The following ZNF250 variants were observed in gnomAD, a reference collection of about 807,000 sequenced individuals.
ZNF250 encodes the protein zinc finger protein 250, also known as zinc finger protein (clone 647).
A neutral mutation model predicts 37.1 loss-of-function variants in ZNF250; 13 were observed. The observed-to-expected ratio is 0.35, with a 90% CI of 0.23 to 0.56. ZNF250 has a LOEUF of 0.56. Ranked by LOEUF, ZNF250 falls within the 20% of genes least tolerant of loss-of-function variation. ZNF250 has a pLI of 0.87. For synonymous variants in ZNF250, 251 were observed against 265.6 expected (o/e 0.94, Z 0.54); for missense variants, 474 against 697.9 (o/e 0.68, Z 3.61).
chr8:144,895,059 T>A (rs765522529), intron 1 of ZNF250: 1 of 152,186 alleles, frequency 6.6e-6, no homozygotes, highest in Non-Finnish European at 1.5e-5. Flanking sequence ...CTGGCAGGCA[T>A]GGGAAAGTGG....
Position 144,890,254 on chromosome 8 carries a change from A to T in ZNF250, c.42+54T>A. 1 of 1,541,534 alleles carries T rather than the reference A, an allele frequency of 6.5e-7. No individual in the cohort carries two copies. The highest frequency in any genetic ancestry group is 8.8e-7 in the Non-Finnish European group (1 of 1,131,922). The stretch of plus-strand genomic sequence containing the variant: ...TCTTAGGAGCTCTACGGGGCACGGA[A>T]GGAACCACAGGGCTCGGGCTGGGGG... On this transcript the variant is annotated intron_variant, in intron 2 of 5. Transcript: ENST00000417550. The surrounding 1 kb of genome is among the most constrained non-coding windows in gnomAD (Gnocchi z 5.1).
In ZNF250 at chr8:144,891,413, T is replaced by C. The variant is rs1261483471; in HGVS notation, c.-54-1010A>G. Among the ~76,000 whole-genome samples the C allele has an allele frequency of 1.3e-5, 2 of 152,096 alleles. No homozygotes were observed. The highest frequency in any genetic ancestry group is 2.9e-5 in the Non-Finnish European group (2 of 68,016). On this transcript the variant is annotated intron_variant, in intron 1 of 5. Transcript: ENST00000417550. This position sits in a 1 kb window ranked among gnomAD's most constrained non-coding sequence, Gnocchi z 4.0. ...AAGTCAAGGGACATCATAATCTCAGTGTCTATAAAACATCAGATATAGGTG... is the reference window on the plus strand; with the variant it reads ...AAGTCAAGGGACATCATAATCTCAGCGTCTATAAAACATCAGATATAGGTG...
chr8:144,887,106 T>C (rs565512840), intron 4 of ZNF250, among the ~76,000 whole-genome samples: 2 of 151,748 alleles, frequency 1.3e-5, no homozygotes, highest in African/African-American at 4.8e-5. Context: ...AAAAATTAGC[T>C]GGACATGGTG....
rs1411000158 is a variant in ZNF250, at chr8:144,882,627, C to T, written c.556G>A (p.Ala186Thr). 28 of 1,613,836 alleles carry T rather than the reference C, an allele frequency of 1.7e-5. No individual in the cohort carries two copies. The highest frequency in any genetic ancestry group is 2.2e-5 in the Non-Finnish European group (26 of 1,179,900). The change falls in exon 6 of 6, where the codon GCA becomes ACA. Residue 186 changes from alanine to threonine, a missense_variant. Ala to Thr is a moderately conservative substitution (Grantham distance 58). Transcript: ENST00000417550. This position sits in a 1 kb window ranked among gnomAD's most constrained non-coding sequence, Gnocchi z 5.5. ...SQSMPLTPHQ[A>T]VPSGERPYMC... ...TAGGGCCTCTCTCCACTAGGCACTGCCTGGTGCGGAGTGAGTGGCATGCTT... is the reference window on the plus strand; with the variant it reads ...TAGGGCCTCTCTCCACTAGGCACTGTCTGGTGCGGAGTGAGTGGCATGCTT...
At chr8:144,885,812 T>G (rs1831833645) in intron 5 of ZNF250, among the ~76,000 whole-genome samples, 1 of 152,160 alleles carries the variant, frequency 6.6e-6, no homozygotes, top group Admixed American at 6.5e-5. Flanking sequence ...TTACTTCTAT[T>G]GTCTGAAGTT....
intron 4 of ZNF250, among the ~76,000 whole-genome samples, chr8:144,888,687 A>G (rs1563889758): frequency 6.6e-6 from 1 of 151,520 alleles, no homozygotes; most frequent in African/African-American, 2.4e-5. Context: ...GTTGACAATC[A>G]CATAAACTGC....
At chr8:144,892,434 AGACAGGTATGTGGGAAATTG>A (rs1832409903) in intron 1 of ZNF250, among the ~76,000 whole-genome samples, 1 of 152,268 alleles carries the variant, frequency 6.6e-6, no homozygotes, top group Non-Finnish European at 1.5e-5. Flanking sequence ...AGATGAAGCC[AGACAGGTATGTGGGAAATTG>A]GAAGATAACA....
At chr8:144,884,732 A>C (rs1268370220) in intron 5 of ZNF250, among the ~76,000 whole-genome samples, 1 of 151,988 alleles carries the variant, frequency 6.6e-6, no homozygotes, top group East Asian at 1.9e-4. Context: ...CCATTCTCTC[A>C]GAATGTGATC....
chr8:144,898,572 A>T (rs888818755), intron 1 of ZNF250, among the ~76,000 whole-genome samples: 2 of 152,224 alleles, frequency 1.3e-5, no homozygotes, highest in African/African-American at 4.8e-5. Context: ...ACAGGAACAA[A>T]AGCAAACTAG....
In ZNF250 at chr8:144,882,635, G is replaced by A. The variant is rs759673721; in HGVS notation, c.548C>T (p.Pro183Leu). ...CTCTCCACTAGGCACTGCCTGGTGCGGAGTGAGTGGCATGCTTTGGCTTAA... is the reference window on the plus strand; with the variant it reads ...CTCTCCACTAGGCACTGCCTGGTGCAGAGTGAGTGGCATGCTTTGGCTTAA... ...QVLSQSMPLT[P>L]HQAVPSGERP... is the part of the protein sequence containing the mutation. The change falls in exon 6 of 6, where the codon CCG becomes CTG. Residue 183 changes from proline (P) to leucine (L), a missense_variant. Pro to Leu is a moderately conservative substitution (Grantham distance 98). This residue lies in a region of ZNF250 where 192 missense variants were observed against 227.5 expected (regional missense o/e 0.84). Coordinates refer to ENST00000417550, the MANE Select transcript of ZNF250 (RefSeq NM_001109689.4). This position sits in a 1 kb window ranked among gnomAD's most constrained non-coding sequence, Gnocchi z 5.5. 1.6e-5 allele frequency: 26 copies of A among 1,613,816 alleles called. No homozygotes were observed. The highest frequency in any genetic ancestry group is 1.9e-5 in the Non-Finnish European group (22 of 1,179,886).
Position 144,890,091 on chromosome 8 carries a change from C to A in ZNF250, c.43-32G>T, listed in dbSNP as rs779481427. 8 of 1,604,602 alleles carry A rather than the reference C, an allele frequency of 5.0e-6. No homozygotes were observed. The African/African-American group carries it at 9.4e-5, about 19-fold the overall frequency. On this transcript the variant is annotated intron_variant, in intron 2 of 5. Coordinates refer to ENST00000417550, the MANE Select transcript of ZNF250 (RefSeq NM_001109689.4). The surrounding 1 kb of genome is among the most constrained non-coding windows in gnomAD (Gnocchi z 5.1). Reference sequence around the variant, plus strand: ...CGACAGGGGCTGCTGCAGGTAAAACCAAATCCTGATGTCTGTGATGGGGAG... The same window carrying A: ...CGACAGGGGCTGCTGCAGGTAAAACAAAATCCTGATGTCTGTGATGGGGAG...
chr8:144,888,250 T>C (rs1832036798), intron 4 of ZNF250, among the ~76,000 whole-genome samples: 1 of 152,232 alleles, frequency 6.6e-6, no homozygotes, highest in Non-Finnish European at 1.5e-5. Context: ...GATGCTATTA[T>C]AAATGTTATC....
intron 4 of ZNF250, 60 bp from the exon 5 acceptor site, chr8:144,886,962 C>A: frequency 6.6e-7 from 1 of 1,507,458 alleles, no homozygotes; most frequent in Non-Finnish European, 9.2e-7. Context: ...AGTGGAAAAT[C>A]CTGGCCGGGC....
Position 144,879,022 on chromosome 8 carries a change from C to G in ZNF250, c.*2493G>C, listed in dbSNP as rs1301402116. On this transcript the variant is annotated 3_prime_UTR_variant, in exon 6 of 6. Coordinates refer to ENST00000417550, the MANE Select transcript of ZNF250 (RefSeq NM_001109689.4). ...TCACTTTCTTTCTGAAGTGACGCCT[C>G]AGTGATCTCAGCTCTTCTCCAAAGA... The G allele has an allele frequency of 6.6e-6, 1 of 152,258 alleles. No individual in the cohort carries two copies. The highest frequency in any genetic ancestry group is 1.5e-5 in the Non-Finnish European group (1 of 68,044). 9.4% of individuals were successfully genotyped at this position (152,258 alleles called of 1,614,324 possible). A position where few individuals can be genotyped will look rare whatever the true frequency, so the allele number is the denominator to read the frequency against.
At chr8:144,883,273 C>G (rs1420402338) in intron 5 of ZNF250, among the ~76,000 whole-genome samples, 1 of 151,856 alleles carries the variant, frequency 6.6e-6, no homozygotes, top group Admixed American at 6.6e-5. Flanking sequence ...GGTGTGCCAT[C>G]TGGAGGCCAA....
rs1450931693 is a variant in ZNF250 at position 144,897,628 on chromosome 8, C to T, written c.-55+3771G>A. Among the ~76,000 whole-genome samples the T allele has an allele frequency of 1.3e-5, 2 of 152,170 alleles. No individual in the cohort carries two copies. The highest frequency in any genetic ancestry group is 4.8e-5 in the African/African-American group (2 of 41,432). On this transcript the variant is annotated intron_variant, in intron 1 of 5. Transcript: ENST00000417550. This position sits in a 1 kb window ranked among gnomAD's most constrained non-coding sequence, Gnocchi z 5.2. ...GCGCTAGAGGAATTAAAGACACACA[C>T]ACAGAAATATAGAGGTGTGAAGTGG...
In ZNF250 at chr8:144,882,196, A is replaced by G; in HGVS notation, c.987T>C (p.Thr329=). The G allele has an allele frequency of 6.2e-7, 1 of 1,613,966 alleles. No individual in the cohort carries two copies. Among genetic ancestry groups the G allele is most frequent in the Non-Finnish European group, 8.5e-7 (1 of 1,179,968 alleles). Reference sequence around the variant, plus strand: ...CATTGCACCTGTGAGGCTTCTCCCCAGTGTGTACCCTCTGGTGGCTCCGCA... The same window carrying G: ...CATTGCACCTGTGAGGCTTCTCCCCGGTGTGTACCCTCTGGTGGCTCCGCA... ...TVLRSHQRVH[T]GEKPHRCNEC... is the part of the protein sequence containing the mutation. The change falls in exon 6 of 6, where the codon ACT becomes ACC. Residue 329 remains threonine (T), a synonymous_variant. Coordinates refer to ENST00000417550, the MANE Select transcript of ZNF250 (RefSeq NM_001109689.4). The surrounding 1 kb of genome is among the most constrained non-coding windows in gnomAD (Gnocchi z 5.5).
chr8:144,882,701 C>G lies in ZNF250; in HGVS notation c.482G>C (p.Cys161Ser). Residue 161 changes from cysteine to serine, a missense_variant, in exon 6 of 6, where the codon TGT becomes TCT. Physicochemically the swap from Cys to Ser is moderately radical, Grantham distance 112. Coordinates refer to ENST00000417550, the MANE Select transcript of ZNF250 (RefSeq NM_001109689.4). This position sits in a 1 kb window ranked among gnomAD's most constrained non-coding sequence, Gnocchi z 5.5. ...QENNETKQSF[C>S]LSPNSVDHRE... is the part of the protein sequence containing the mutation. ...GTGGTCAACAGAGTTTGGACTCAGA[C>G]AGAAGCTTTGCTTTGTTTCATTATT... 2 of 1,614,050 alleles carry G rather than the reference C, an allele frequency of 1.2e-6. No individual in the cohort carries two copies. The highest frequency in any genetic ancestry group is 1.7e-6 in the Non-Finnish European group (2 of 1,179,906).
At position 144,890,850 on chromosome 8, in the gene ZNF250, C is replaced by T. The variant is rs1379816588; in HGVS notation, c.-54-447G>A. Reference sequence around the variant, plus strand: ...CCAAACACCCTCCCAATTAAGAAAGCCTTGGCCACCAGGGTGACAATAAGA... The same window carrying T: ...CCAAACACCCTCCCAATTAAGAAAGTCTTGGCCACCAGGGTGACAATAAGA... On this transcript the variant is annotated intron_variant, in intron 1 of 5. Transcript: ENST00000417550. The surrounding 1 kb of genome is among the most constrained non-coding windows in gnomAD (Gnocchi z 5.1). Among the ~76,000 whole-genome samples the T allele has an allele frequency of 6.6e-6, 1 of 152,182 alleles. No homozygotes were observed. Among genetic ancestry groups the T allele is most frequent in the Non-Finnish European group, 1.5e-5 (1 of 68,020 alleles).
Sources: allele counts gnomAD v4.1 joint callset (sites outside exome capture counted in the v4.1 genomes callset), GRCh38; gene constraint gnomAD v4.1.1; regional missense constraint gnomAD v4.1.1; non-coding constraint Gnocchi (gnomAD v3.1); transcripts MANE v1.5; gene names NCBI Gene and HGNC (gene_info 2026-07-23, HGNC 2026-07-21).